Variants in SIGLEC12 observed in about 807,000 individuals in gnomAD.
SIGLEC12 encodes the protein sialic acid binding Ig like lectin 12.
Under a neutral mutation model 54.1 loss-of-function variants are expected in SIGLEC12, and 43 were observed. The ratio of observed to expected loss-of-function variants is 0.80; its 90% CI spans 0.62 to 1.03. SIGLEC12 has a LOEUF of 1.03. SIGLEC12 is among the 50% of genes least tolerant of loss of function. The probability of loss-of-function intolerance (pLI) is 0.00; values close to 1 mark genes in which losing one functional copy is unlikely to be tolerated. For synonymous variants in SIGLEC12, 357 were observed against 307.6 expected (o/e 1.16, Z -1.68); for missense variants, 802 against 735.2 (o/e 1.09, Z -1.05).
In SIGLEC12 at chr19:51,499,673, C is replaced by A; in HGVS notation, c.852G>T (p.Glu284Asp). 1.2e-6 allele frequency: 2 copies of A among 1,614,122 alleles called. No individual in the cohort carries two copies. The highest frequency in any genetic ancestry group is 1.7e-6 in the Non-Finnish European group (2 of 1,180,010). ...MPTFSIPGTL[E>D]SGHPRNLTCS... Reference sequence around the variant, plus strand: ...AGGTCAGGTTCCTGGGGTGGCCAGACTCCAGGGTCCCCGGGATGGAGAAGG... The same window carrying A: ...AGGTCAGGTTCCTGGGGTGGCCAGAATCCAGGGTCCCCGGGATGGAGAAGG... Residue 284 changes from glutamate to aspartate, a missense_variant, in exon 3 of 8, where the codon GAG becomes GAT. Transcript: ENST00000291707.
Position 51,497,048 on chromosome 19 carries a change from T to G in SIGLEC12, c.1503-72A>C, listed in dbSNP as rs2043138238. ...GCAGTGGGCAGACCAACCCCTGCCC[T>G]GTATTTCCTATTGGGGAGCTGGAGG... On this transcript the variant is annotated intron_variant, in intron 6 of 7. Coordinates refer to ENST00000291707, the MANE Select transcript of SIGLEC12 (RefSeq NM_053003.4). 2.5e-6 allele frequency: 4 copies of G among 1,608,740 alleles called. No individual in the cohort carries two copies. In the Admixed American group the frequency reaches 6.7e-5, roughly 27 times the overall value.
In SIGLEC12 at chr19:51,499,618, T is replaced by A; in HGVS notation, c.907A>T (p.Thr303Ser). Reference sequence around the variant, plus strand: ...CCCATCCAGGTGATCGTGGGGGGCGTCCCCTGTTCACAGGCCCAGGGCACA... The same window carrying A: ...CCCATCCAGGTGATCGTGGGGGGCGACCCCTGTTCACAGGCCCAGGGCACA... ...CSVPWACEQGTPPTITWMGAS... is the reference protein window; with the variant it reads ...CSVPWACEQGSPPTITWMGAS... The change falls in exon 3 of 8, where the codon ACG becomes TCG. Residue 303 changes from threonine (T) to serine (S), a missense_variant. Physicochemically the swap from Thr to Ser is moderately conservative, Grantham distance 58. Transcript: ENST00000291707. The A allele has an allele frequency of 6.2e-7, 1 of 1,613,400 alleles. No homozygotes were observed. Among genetic ancestry groups the A allele is most frequent in the Non-Finnish European group, 8.5e-7 (1 of 1,179,754 alleles).
rs1990359251 is a variant in SIGLEC12, at chr19:51,500,233, C to T, written c.495G>A (p.Leu165=). 1.2e-6 allele frequency: 2 copies of T among 1,614,196 alleles called. No homozygotes were observed. The highest frequency in any genetic ancestry group is 1.7e-6 in the Non-Finnish European group (2 of 1,180,032). Reference sequence around the variant, plus strand: ...GGACACTGCAGGGCACAGAGACACACAGACCCTCCTGCACAGTCACCGACT... The same window carrying T: ...GGACACTGCAGGGCACAGAGACACATAGACCCTCCTGCACAGTCACCGACT... The part of the protein sequence containing the change: ...VPESVTVQEG[L]CVSVPCSVLY... The change falls in exon 2 of 8, where the codon CTG becomes CTA. Residue 165 remains leucine, a synonymous_variant. Coordinates refer to ENST00000291707, the MANE Select transcript of SIGLEC12 (RefSeq NM_053003.4).
intron 7 of SIGLEC12, among the ~76,000 whole-genome samples, chr19:51,492,361 G>C (rs1180441612): frequency 6.6e-6 from 1 of 152,230 alleles, no homozygotes; most frequent in Non-Finnish European, 1.5e-5. Context: ...GGGCAAGTGA[G>C]AGAGAATTAC....
Position 51,501,341 on chromosome 19 carries a change from A to G in SIGLEC12, c.393T>C (p.Asn131=), listed in dbSNP as rs768861774. The G allele has an allele frequency of 6.2e-7, 1 of 1,614,124 alleles. No individual in the cohort carries two copies. The highest frequency in any genetic ancestry group is 1.7e-5 in the Admixed American group (1 of 60,010). Residue 131 remains asparagine (N), a synonymous_variant, in exon 1 of 8, where the codon AAT becomes AAC. Transcript: ENST00000291707. ...TCACAGAGAGCTGGTCATATTTATA[A>G]TTCCATTTCATATTTCCTCTCTCTA... ...FCVERGNMKW[N]YKYDQLSVNV...
intron 3 of SIGLEC12, 64 bp downstream of exon 3, chr19:51,499,374 C>T: frequency 6.5e-7 from 1 of 1,546,094 alleles, no homozygotes; most frequent in Non-Finnish European, 8.7e-7. Flanking sequence ...GAGTCTGGGT[C>T]CCACATCCAA....
intron 7 of SIGLEC12, among the ~76,000 whole-genome samples, chr19:51,495,413 GTGGATGGATGGA>G (rs1276089932): frequency 7.2e-5 from 3 of 41,520 alleles, no homozygotes; most frequent in Admixed American, 3.0e-4. Context: ...GGGTGGGTGG[GTGGATGGATGGA>G]TGGATGGATG....
chr19:51,499,561 T>C lies in SIGLEC12; in HGVS notation c.964A>G (p.Thr322Ala). The change falls in exon 3 of 8, where the codon ACT becomes GCT. Residue 322 changes from threonine to alanine, a missense_variant. By Grantham distance (58) the Thr-to-Ala change is moderately conservative. Coordinates refer to ENST00000291707, the MANE Select transcript of SIGLEC12 (RefSeq NM_053003.4). ...ASVSSLDPTITRSSMLSLIPQ... is the reference protein window; with the variant it reads ...ASVSSLDPTIARSSMLSLIPQ... ...ATGAGGCTGAGCATCGAGGAGCGAG[T>C]GATAGTGGGGTCCAGGGAGGACACG... 1 of 1,610,616 alleles carries C rather than the reference T, an allele frequency of 6.2e-7. No individual in the cohort carries two copies. The highest frequency in any genetic ancestry group is 8.5e-7 in the Non-Finnish European group (1 of 1,178,602).
At chr19:51,493,728 C>G (rs1990162315) in intron 7 of SIGLEC12, among the ~76,000 whole-genome samples, 1 of 152,188 alleles carries the variant, frequency 6.6e-6, no homozygotes, top group Non-Finnish European at 1.5e-5. Context: ...ACCCATAAGA[C>G]AGCCATGTCC....
At chr19:51,494,137 T>G (rs532761187) in intron 7 of SIGLEC12, among the ~76,000 whole-genome samples, 2 of 152,326 alleles carry the variant, frequency 1.3e-5, no homozygotes, top group East Asian at 3.9e-4. Context: ...TGAGCCTCCT[T>G]CATTCCTGTG....
rs527904013 is a variant in SIGLEC12, at chr19:51,497,000, T to G, written c.1503-24A>C. On this transcript the variant is annotated intron_variant, in intron 6 of 7. Transcript: ENST00000291707. ...CTCTGAGTGAAGAGACCAGAGAGCC[T>G]TTCAGTGTGGTCAGATCGGGGTGCA... 9 of 1,612,588 alleles carry G rather than the reference T, an allele frequency of 5.6e-6. No homozygotes were observed. The South Asian group carries it at 9.9e-5, about 18-fold the overall frequency.
chr19:51,492,024 T>G (rs1990118023), intron 7 of SIGLEC12, among the ~76,000 whole-genome samples, 195 bp from the exon 8 acceptor site: 1 of 152,230 alleles, frequency 6.6e-6, no homozygotes, highest in Non-Finnish European at 1.5e-5. Context: ...CTCATTAACT[T>G]CCAACAACAA....
chr19:51,496,798 A>G, intron 7 of SIGLEC12, 82 bp downstream of exon 7: 1 of 1,499,840 alleles, frequency 6.7e-7, no homozygotes, highest in East Asian at 2.3e-5. Context: ...GAAGAAAGGA[A>G]GGACAGTGAG....
intron 7 of SIGLEC12, among the ~76,000 whole-genome samples, chr19:51,496,661 G>T (rs564888504): frequency 2.8e-4 from 42 of 152,248 alleles, no homozygotes; most frequent in African/African-American, 9.9e-4. Context: ...AGGCAGGGAG[G>T]TGAGGAGGTC....
intron 3 of SIGLEC12, 99 bp from the exon 4 acceptor site, chr19:51,499,316 T>C (rs1264772173): frequency 6.3e-7 from 1 of 1,576,336 alleles, no homozygotes; most frequent in African/African-American, 1.3e-5. Context: ...GGAGCCAGCA[T>C]CCTCCTGACC....
At position 51,500,094 on chromosome 19, in the gene SIGLEC12, C is replaced by A. The variant is rs752700082; in HGVS notation, c.634G>T (p.Val212Leu). 4.3e-6 allele frequency: 7 copies of A among 1,614,158 alleles called. No individual in the cohort carries two copies. The highest frequency in any genetic ancestry group is 5.9e-6 in the Non-Finnish European group (7 of 1,180,024). The change falls in exon 2 of 8, where the codon GTG (valine) becomes TTG (leucine). Residue 212 changes from valine to leucine, a missense_variant. By Grantham distance (32) the Val-to-Leu change is conservative. Transcript: ENST00000291707. ...PVATNTPSGK[V>L]QEDTHGRFLL... ...AATCGACCGTGGGTATCCTCTTGCA[C>A]TTTTCCACTTGGGGTGTTTGTGGCC...
At chr19:51,492,974 C>G (rs1217678726) in intron 7 of SIGLEC12, among the ~76,000 whole-genome samples, 1 of 152,204 alleles carries the variant, frequency 6.6e-6, no homozygotes, top group Non-Finnish European at 1.5e-5. Context: ...CAGAGGCTGC[C>G]TGGGAGGCTT....
At position 51,501,422 on chromosome 19, in the gene SIGLEC12, AC is replaced by A; in HGVS notation, c.311del (p.Cys104LeufsTer3). ...HLLGDPQNKD[C>X]TLSIRDTRES... is the part of the protein sequence containing the mutation. ...CTCTGGTGTCTCTGATGCTCAGGGT[AC>A]AATCCTTGTTCTGTGGGTCCCCAAG... On this transcript the variant is annotated frameshift_variant, in exon 1 of 8. Coordinates refer to ENST00000291707, the MANE Select transcript of SIGLEC12 (RefSeq NM_053003.4). LOFTEE classifies it high-confidence loss of function. 6.2e-7 allele frequency: 1 copy of A among 1,614,178 alleles called. No homozygotes were observed. The highest frequency in any genetic ancestry group is 8.5e-7 in the Non-Finnish European group (1 of 1,180,032).
intron 1 of SIGLEC12, among the ~76,000 whole-genome samples, chr19:51,500,958 G>A (rs1032480587): frequency 6.6e-6 from 1 of 152,140 alleles, no homozygotes; most frequent in Admixed American, 6.5e-5. Flanking sequence ...GCATGGGTGG[G>A]GTGGGTGCTT....
Sources: allele counts gnomAD v4.1 joint callset (sites outside exome capture counted in the v4.1 genomes callset), GRCh38; gene constraint gnomAD v4.1.1; transcripts MANE v1.5; gene names NCBI Gene and HGNC (gene_info 2026-07-23, HGNC 2026-07-21).